Variants in ZNF536 observed in about 807,000 individuals in gnomAD.
ZNF536 encodes the protein zinc finger protein 536.
Under a neutral mutation model 84.5 loss-of-function variants are expected in ZNF536, and 13 were observed. That is an observed-to-expected ratio of 0.15 (90% CI 0.10 to 0.24). The LOEUF is 0.24. ZNF536 is among the 10% of genes least tolerant of loss of function. ZNF536 has a pLI of 1.00. For missense variants in ZNF536, 1,536 were observed against 1,747.5 expected, an observed-to-expected ratio of 0.88 and a Z score of 2.16; for synonymous variants, 811 against 742.5, an observed-to-expected ratio of 1.09 and a Z score of -1.50.
At chr19:30,381,302 C>T (rs758066457) in intron 1 of ZNF536, among the ~76,000 whole-genome samples, 12 of 152,162 alleles carry the variant, frequency 7.9e-5, no homozygotes, top group African/African-American at 2.9e-4. Context: ...GGGTGACAGG[C>T]AAGTTCCTTG....
chr19:30,687,835 A>AC (rs2051249477), intron 1 of ZNF536, among the ~76,000 whole-genome samples: 1 of 151,814 alleles, frequency 6.6e-6, no homozygotes, highest in Non-Finnish European at 1.5e-5. Context: ...TGACCTTTGG[A>AC]TTTTTTTAAA....
intron 2 of ZNF536, among the ~76,000 whole-genome samples, chr19:30,507,755 A>T (rs1024026273): frequency 6.6e-6 from 1 of 152,220 alleles, no homozygotes; most frequent in Non-Finnish European, 1.5e-5. Flanking sequence ...ATTATACCAA[A>T]TATAAGTATC....
chr19:30,360,114 G>C (rs2048227153), intron 3 of ZNF536, among the ~76,000 whole-genome samples: 1 of 152,252 alleles, frequency 6.6e-6, no homozygotes, highest in African/African-American at 2.4e-5. Context: ...TGGGGGAGGA[G>C]ATCGGGGCAG....
intron 1 of ZNF536, among the ~76,000 whole-genome samples, chr19:30,581,168 C>T (rs951422250): frequency 3.9e-5 from 6 of 152,188 alleles, no homozygotes; most frequent in Non-Finnish European, 7.3e-5. Context: ...CTTCTCCTGC[C>T]TCTAAATTTA....
chr19:30,363,800 T>C (rs1202053692), intron 3 of ZNF536, among the ~76,000 whole-genome samples: 4 of 152,176 alleles, frequency 2.6e-5, no homozygotes, highest in African/African-American at 9.7e-5. Flanking sequence ...AAGAGCTTCA[T>C]GGAAGGGCTG....
At chr19:30,472,005 C>A (rs1175219763) in intron 2 of ZNF536, among the ~76,000 whole-genome samples, 1 of 152,152 alleles carries the variant, frequency 6.6e-6, no homozygotes, top group African/African-American at 2.4e-5. Context: ...GAGGGGGACA[C>A]CTGGCCTTGA....
chr19:30,572,900 T>C (rs1219030457), intron 1 of ZNF536, among the ~76,000 whole-genome samples: 1 of 152,156 alleles, frequency 6.6e-6, no homozygotes, highest in African/African-American at 2.4e-5. Context: ...ATCAGGACTT[T>C]TAATGGCCAT....
At chr19:30,699,901 T>C (rs887043687) in intron 1 of ZNF536, among the ~76,000 whole-genome samples, 2 of 152,202 alleles carry the variant, frequency 1.3e-5, no homozygotes, top group Admixed American at 6.5e-5. Context: ...TGTACCACCA[T>C]ACCCAGTGGA....
At chr19:30,232,309 G>T (rs377462317) in intron 1 of ZNF536, among the ~76,000 whole-genome samples, 5 of 152,212 alleles carry the variant, frequency 3.3e-5, no homozygotes, top group African/African-American at 1.2e-4. Context: ...TTTAGCTTCA[G>T]GGGGTACATG....
chr19:30,326,614 T>A (rs1260694480), intron 2 of ZNF536, among the ~76,000 whole-genome samples: 1 of 151,812 alleles, frequency 6.6e-6, no homozygotes, highest in Non-Finnish European at 1.5e-5. Flanking sequence ...AATGAAAACG[T>A]ATGTGAAGCG....
At chr19:30,236,070 A>G (rs2023474538) in intron 1 of ZNF536, among the ~76,000 whole-genome samples, 1 of 152,226 alleles carries the variant, frequency 6.6e-6, no homozygotes, top group African/African-American at 2.4e-5. Context: ...GCCCAAGAAG[A>G]GTTCAAAAGG....
intron 1 of ZNF536, among the ~76,000 whole-genome samples, chr19:30,573,466 G>A (rs1204092546): frequency 6.6e-6 from 1 of 152,260 alleles, no homozygotes; most frequent in Non-Finnish European, 1.5e-5. Context: ...CCTAGGGGAG[G>A]CATCATAACT....
At chr19:30,623,836 G>T (rs147769558) in intron 1 of ZNF536, among the ~76,000 whole-genome samples, 1 of 152,296 alleles carries the variant, frequency 6.6e-6, no homozygotes, top group East Asian at 1.9e-4. Flanking sequence ...AGTGGATCCC[G>T]TAGCACTCTG....
intron 1 of ZNF536, among the ~76,000 whole-genome samples, chr19:30,564,728 C>T (rs1005746227): frequency 5.3e-5 from 8 of 152,228 alleles, no homozygotes; most frequent in African/African-American, 1.7e-4. Flanking sequence ...GAATTATTTA[C>T]AAGATAATGG....
chr19:30,482,529 G>T (rs1177462252), intron 2 of ZNF536, among the ~76,000 whole-genome samples: 1 of 147,364 alleles, frequency 6.8e-6, no homozygotes, highest in Non-Finnish European at 1.5e-5. Context: ...CATAATTGTA[G>T]TTGTCCAAGA....
chr19:30,350,267 C>G (rs934900147), intron 2 of ZNF536, among the ~76,000 whole-genome samples: 2 of 152,152 alleles, frequency 1.3e-5, no homozygotes, highest in Non-Finnish European at 2.9e-5. Context: ...CTCAAAACAG[C>G]TTTTGTGGAT....
intron 1 of ZNF536, among the ~76,000 whole-genome samples, chr19:30,399,030 C>T (rs565352901): frequency 6.6e-6 from 1 of 152,182 alleles, no homozygotes; most frequent in African/African-American, 2.4e-5. Context: ...TACACTCCCA[C>T]CAACAGTGTA....
At chr19:30,653,031 G>A (rs1323416245) in intron 1 of ZNF536, among the ~76,000 whole-genome samples, 2 of 152,222 alleles carry the variant, frequency 1.3e-5, no homozygotes, top group Non-Finnish European at 2.9e-5. Context: ...TTCTAGCCTA[G>A]TAAGGTTGGG....
intron 2 of ZNF536, among the ~76,000 whole-genome samples, chr19:30,521,350 C>T (rs1490031183): frequency 1.3e-5 from 2 of 152,190 alleles, no homozygotes; most frequent in African/African-American, 2.4e-5. Flanking sequence ...GCAAGGGCTG[C>T]TATTCTTGCC....
Sources: allele counts gnomAD v4.1 joint callset (sites outside exome capture counted in the v4.1 genomes callset), GRCh38; gene constraint gnomAD v4.1.1; transcripts MANE v1.5; gene names NCBI Gene and HGNC (gene_info 2026-07-23, HGNC 2026-07-21).